Variants in C12orf56 observed in about 807,000 individuals in gnomAD.
The protein encoded by C12orf56 is chromosome 12 open reading frame 56, also known as uncharacterized protein C12orf56.
A neutral mutation model predicts 69.9 loss-of-function variants in C12orf56; 71 were observed. The observed-to-expected ratio is 1.02, with a 90% confidence interval of 0.84 to 1.24. C12orf56 has a LOEUF of 1.24. C12orf56 is among the 50% of genes most tolerant of loss of function. C12orf56 has a pLI of 0.00. For missense variants in C12orf56, 732 were observed against 738.5 expected, an observed-to-expected ratio of 0.99 and a Z score of 0.10; for synonymous variants, 276 against 274.1, an observed-to-expected ratio of 1.01 and a Z score of -0.07.
rs2039732299 is a variant in C12orf56 at position 64,382,452 on chromosome 12, T to C, written c.252+7862A>G. 2.6e-5 allele frequency among the ~76,000 whole-genome samples: 4 copies of C among 152,144 alleles called. No individual in the cohort carries two copies. In the South Asian group the frequency reaches 8.3e-4, roughly 32 times the overall value. On this transcript the variant is annotated intron_variant, in intron 1 of 12. Transcript: ENST00000543942. ...TGTGCCTTAATAGACTTAATATATG[T>C]GAATAAAGGTTATTAATAATAACTA...
chr12:64,338,392 A>G, intron 2 of C12orf56: 1 of 705,010 alleles, frequency 1.4e-6, no homozygotes, highest in Non-Finnish European at 2.7e-6. Context: ...CAATTTGGAC[A>G]TCAACATCGT....
chr12:64,358,462 G>GTAA lies in C12orf56; in HGVS notation c.253-5409_253-5407dup, dbSNP rs1307361496. 6.1e-3 allele frequency among the ~76,000 whole-genome samples: 786 copies of GTAA among 128,014 alleles called. 9 individuals are homozygous for GTAA. The highest frequency in any genetic ancestry group is 0.015 in the East Asian group (57 of 3,712). The allele number at this position is 128,014 out of a possible 152,430, so 84.0% of individuals were successfully genotyped here. ...AACACAGTAAGACTCCATCTCAAAA[G>GTAA]TAATAATAATAATAATAATAATCAT... On this transcript the variant is annotated intron_variant, in intron 1 of 12. Transcript: ENST00000543942.
intron 4 of C12orf56, among the ~76,000 whole-genome samples, chr12:64,318,249 A>T (rs771734933): frequency 2.0e-5 from 3 of 152,002 alleles, no homozygotes; most frequent in Admixed American, 6.6e-5. Flanking sequence ...TTTAGTAGCG[A>T]CAAGGGTTTC....
At chr12:64,295,557 CTACTTGGGAAG>C (rs1432168643) in intron 6 of C12orf56, among the ~76,000 whole-genome samples, 10 of 152,016 alleles carry the variant, frequency 6.6e-5, no homozygotes, top group Non-Finnish European at 1.2e-4. Flanking sequence ...AAGTACTCAG[CTACTTGGGAAG>C]TACTCAGCTA....
intron 2 of C12orf56, among the ~76,000 whole-genome samples, chr12:64,351,196 G>A (rs2039217682): frequency 6.6e-6 from 1 of 152,176 alleles, no homozygotes; most frequent in Non-Finnish European, 1.5e-5. Flanking sequence ...CCAAATCTTA[G>A]CAAGCATAAA....
At chr12:64,307,766 G>A (rs562129030) in intron 5 of C12orf56, among the ~76,000 whole-genome samples, 124 of 152,178 alleles carry the variant, frequency 8.1e-4, no homozygotes, top group African/African-American at 2.8e-3. Context: ...ACTTTGGGAG[G>A]CCAAGGTGGG....
intron 8 of C12orf56, among the ~76,000 whole-genome samples, chr12:64,282,494 G>T (rs773872051): frequency 3.3e-5 from 5 of 151,828 alleles, no homozygotes; most frequent in Admixed American, 2.0e-4. Flanking sequence ...TAATATGCCG[G>T]CTTGGCACAG....
chr12:64,335,079 A>G (rs1312436480), intron 2 of C12orf56, among the ~76,000 whole-genome samples: 1 of 152,150 alleles, frequency 6.6e-6, no homozygotes, highest in Admixed American at 6.5e-5. Flanking sequence ...CTGTTCTAGA[A>G]TGTACCTGAA....
rs2037921888 is a variant in C12orf56, at chr12:64,266,597, C to T, written c.*586G>A. The T allele has an allele frequency of 7.0e-6, 3 of 429,862 alleles. No homozygotes were observed. Among genetic ancestry groups the T allele is most frequent in the Non-Finnish European group, 1.2e-5 (3 of 250,668 alleles). 26.6% of individuals were successfully genotyped at this position (429,862 alleles called of 1,614,324 possible). A position where few individuals can be genotyped will look rare whatever the true frequency, so the allele number is the denominator to read the frequency against. ...ACATAGTGGACTCCAAGAACCTAGT[C>T]GAAATAATGGTTTTTGGATGGCTCT... On this transcript the variant is annotated 3_prime_UTR_variant, in exon 13 of 13. Coordinates refer to ENST00000543942, the MANE Select transcript of C12orf56 (RefSeq NM_001170633.2).
At chr12:64,277,022 G>A (rs964887001) in intron 9 of C12orf56, among the ~76,000 whole-genome samples, 5 of 35,872 alleles carry the variant, frequency 1.4e-4, no homozygotes, top group African/African-American at 4.2e-4. Flanking sequence ...AAAAATTACT[G>A]AGTGAATGAC....
At chr12:64,368,197 G>C (rs555979590) in intron 1 of C12orf56, among the ~76,000 whole-genome samples, 2 of 152,072 alleles carry the variant, frequency 1.3e-5, no homozygotes, top group South Asian at 4.1e-4. Context: ...CAACCTGCTT[G>C]GCTCAAGTAA....
chr12:64,370,038 A>C (rs2039549548), intron 1 of C12orf56, among the ~76,000 whole-genome samples: 1 of 151,502 alleles, frequency 6.6e-6, no homozygotes, highest in African/African-American at 2.4e-5. Flanking sequence ...GTTACAAAAT[A>C]AGATGCTGGC....
At chr12:64,275,584 T>C (rs1014461687) in intron 9 of C12orf56, among the ~76,000 whole-genome samples, 3 of 152,150 alleles carry the variant, frequency 2.0e-5, no homozygotes, top group Non-Finnish European at 4.4e-5. Flanking sequence ...CACCTCTGCT[T>C]TCTGTGTAGC....
At chr12:64,310,420 T>A (rs1361303769) in intron 5 of C12orf56, among the ~76,000 whole-genome samples, 4 of 152,202 alleles carry the variant, frequency 2.6e-5, no homozygotes, top group African/African-American at 9.6e-5. Context: ...GCCTTCCGCA[T>A]TCACTAGCTG....
chr12:64,369,690 T>C (rs781774838), intron 1 of C12orf56, among the ~76,000 whole-genome samples: 10 of 151,762 alleles, frequency 6.6e-5, no homozygotes, highest in Non-Finnish European at 1.3e-4. Context: ...ACTATTAAAA[T>C]CAAGCTGGTA....
At chr12:64,270,471 G>A in intron 12 of C12orf56, 65 bp downstream of exon 12, 3 of 1,292,552 alleles carry the variant, frequency 2.3e-6, no homozygotes. Context: ...CCATGTTGCA[G>A]GTTTGCATGA....
At chr12:64,308,926 A>G (rs1353063292) in intron 5 of C12orf56, among the ~76,000 whole-genome samples, 1 of 56,498 alleles carries the variant, frequency 1.8e-5, no homozygotes, top group Non-Finnish European at 3.5e-5. Flanking sequence ...GAAAGAAAGA[A>G]AGAAAGAAAG....
chr12:64,271,419 G>A (rs1042881011), intron 11 of C12orf56, among the ~76,000 whole-genome samples: 2 of 150,168 alleles, frequency 1.3e-5, no homozygotes, highest in Non-Finnish European at 3.0e-5. Context: ...AGCCAAGATC[G>A]CACCACTGCA....
chr12:64,357,802 G>A (rs2039339952), intron 1 of C12orf56, among the ~76,000 whole-genome samples: 1 of 152,082 alleles, frequency 6.6e-6, no homozygotes, highest in Non-Finnish European at 1.5e-5. Flanking sequence ...TCAGGAGGCT[G>A]AGGCAGAAGA....
Sources: gnomAD v4.1 joint callset for allele counts (sites outside exome capture counted in the v4.1 genomes callset) on GRCh38, gnomAD v4.1.1 for gene constraint, MANE v1.5 for transcripts, NCBI Gene and HGNC (gene_info 2026-07-23, HGNC 2026-07-21) for gene names.